ALDH9A1: variants seen among roughly 807,000 people sequenced by gnomAD.
The protein encoded by ALDH9A1 is aldehyde dehydrogenase 9 family member A1.
ALDH9A1 carries 42 observed loss-of-function variants against 56.6 expected under a neutral mutation model. That is an observed-to-expected ratio of 0.74 (90% CI 0.58 to 0.96). ALDH9A1 has a LOEUF of 0.96. Among genes scored for constraint, ALDH9A1 ranks in the 40% least tolerant of loss-of-function variants. The probability of loss-of-function intolerance (pLI) is 0.00; values close to 1 mark genes in which losing one functional copy is unlikely to be tolerated. For missense variants in ALDH9A1, 661 were observed against 651.5 expected, an observed-to-expected ratio of 1.01 and a Z score of -0.16; for synonymous variants, 242 against 236.0, an observed-to-expected ratio of 1.03 and a Z score of -0.23.
At chr1:165,697,463 A>G (rs1428464193) in intron 1 of ALDH9A1, among the ~76,000 whole-genome samples, 1 of 152,230 alleles carries the variant, frequency 6.6e-6, no homozygotes, top group Non-Finnish European at 1.5e-5. Flanking sequence ...TACAATTTTT[A>G]TTTGTTAATT....
At chr1:165,682,753 G>A in intron 3 of ALDH9A1, 1 of 477,218 alleles carries the variant, frequency 2.1e-6, no homozygotes, top group South Asian at 4.3e-5. Context: ...CATGCTAGGT[G>A]CTTTACATGC....
In ALDH9A1 at chr1:165,667,417, T is replaced by TC; in HGVS notation, c.1240dup (p.Glu414GlyfsTer14). The TC allele has an allele frequency of 6.2e-7, 1 of 1,614,108 alleles. No individual in the cohort carries two copies. Among genetic ancestry groups the TC allele is most frequent in the Non-Finnish European group, 8.5e-7 (1 of 1,179,994 alleles). On this transcript the variant is annotated frameshift_variant, in exon 9 of 11. Transcript: ENST00000354775. LOFTEE classifies it high-confidence loss of function. ...GGACATAACAGGCCCAAAGATCTCT[T>TC]CCTTCACACAGGTCATGTCGTCTCT...
intron 2 of ALDH9A1, among the ~76,000 whole-genome samples, chr1:165,692,142 C>T (rs967091059): frequency 4.6e-5 from 7 of 152,152 alleles, no homozygotes; most frequent in Admixed American, 4.6e-4. Flanking sequence ...GGAAGCATTC[C>T]CTTTGAAAAC....
chr1:165,685,184 T>C (rs781497058), intron 2 of ALDH9A1, among the ~76,000 whole-genome samples: 3 of 152,196 alleles, frequency 2.0e-5, no homozygotes, highest in Non-Finnish European at 2.9e-5. Flanking sequence ...TTCCCAACCC[T>C]GTTCCTCCTC....
intron 2 of ALDH9A1, among the ~76,000 whole-genome samples, chr1:165,692,169 T>G (rs1649913408): frequency 6.6e-6 from 1 of 152,204 alleles, no homozygotes; most frequent in Non-Finnish European, 1.5e-5. Flanking sequence ...AAGACATGAA[T>G]GCCCTCTCTC....
intron 2 of ALDH9A1, among the ~76,000 whole-genome samples, chr1:165,693,592 T>C (rs576678094): frequency 1.8e-4 from 27 of 152,266 alleles, no homozygotes; most frequent in African/African-American, 6.0e-4. Flanking sequence ...TGTGGAGAAA[T>C]AGGAACACTT....
rs573551479 is a variant in ALDH9A1 at position 165,696,664 on chromosome 1, T to C, written c.182-1267A>G. 2.2e-4 allele frequency among the ~76,000 whole-genome samples: 34 copies of C among 152,288 alleles called. No homozygotes were observed. In the South Asian group the frequency reaches 6.2e-3, roughly 28 times the overall value. On this transcript the variant is annotated intron_variant, in intron 1 of 10. Coordinates refer to ENST00000354775, the MANE Select transcript of ALDH9A1 (RefSeq NM_000696.4). ...GAAACAATCAGTTTTTCTAGGCCCA[T>C]AGCCCAAGGACTGTACTGCCTCTAC...
chr1:165,673,282 TC>T (rs1649241781), intron 6 of ALDH9A1, among the ~76,000 whole-genome samples: 1 of 152,112 alleles, frequency 6.6e-6, no homozygotes, highest in African/African-American at 2.4e-5. Context: ...ATGGTTATTA[TC>T]AAAAAGATAA....
intron 2 of ALDH9A1, among the ~76,000 whole-genome samples, chr1:165,687,668 G>C (rs986047411): frequency 6.6e-6 from 1 of 152,140 alleles, no homozygotes; most frequent in African/African-American, 2.4e-5. Context: ...GAATCTGAAA[G>C]AGTACCAACA....
Position 165,681,608 on chromosome 1 carries a change from T to C in ALDH9A1, c.592+499A>G, listed in dbSNP as rs183576174. ...TCTTCTTTCCTCAAAGATTCTTCTC[T>C]TTAAATACTGTAAGAAAACTATTTT... On this transcript the variant is annotated intron_variant, in intron 4 of 10. Coordinates refer to ENST00000354775, the MANE Select transcript of ALDH9A1 (RefSeq NM_000696.4). 4.3e-3 allele frequency among the ~76,000 whole-genome samples: 651 copies of C among 152,360 alleles called. 19 individuals carry two copies. The highest frequency in any genetic ancestry group is 0.031 in the Admixed American group (467 of 15,306).
chr1:165,676,665 GA>G, intron 6 of ALDH9A1: 1 of 392,938 alleles, frequency 2.5e-6, no homozygotes, highest in South Asian at 2.4e-5. Context: ...AAGCCAAAGA[GA>G]AAGGTACCTG....
intron 2 of ALDH9A1, among the ~76,000 whole-genome samples, chr1:165,694,443 A>AT (rs1044984591): frequency 2.0e-5 from 3 of 151,860 alleles, no homozygotes; most frequent in South Asian, 2.1e-4. Flanking sequence ...TGTTTTTACA[A>AT]TTTTTTTTAG....
chr1:165,680,798 A>C, intron 4 of ALDH9A1, 115 bp from the exon 5 acceptor site: 1 of 975,016 alleles, frequency 1.0e-6, no homozygotes, highest in Non-Finnish European at 1.5e-6. Flanking sequence ...TCCCCAACCA[A>C]ATCCTACATC....
At position 165,679,543 on chromosome 1, in the gene ALDH9A1, A is replaced by G; in HGVS notation, c.829T>C (p.Leu277=). The G allele has an allele frequency of 1.2e-6, 2 of 1,614,174 alleles. No homozygotes were observed. The highest frequency in any genetic ancestry group is 8.5e-7 in the Non-Finnish European group (1 of 1,180,036). The part of the protein sequence containing the change: ...MSAKGIKPVT[L]ELGGKSPLII... The stretch of plus-strand genomic sequence containing the variant: ...AGTGGAGATTTGCCTCCAAGTTCCA[A>G]GGTAACAGGTTTGATTCCTTTAGCT... Residue 277 remains leucine, a synonymous_variant, in exon 6 of 11, where the codon TTG becomes CTG. Coordinates refer to ENST00000354775, the MANE Select transcript of ALDH9A1 (RefSeq NM_000696.4).
At position 165,680,585 on chromosome 1, in the gene ALDH9A1, T is replaced by C. The variant is rs1448295659; in HGVS notation, c.691A>G (p.Asn231Asp). The part of the protein sequence containing the change: ...SEAGVPPGLF[N>D]VVQGGAATGQ... ...GTGGCAGCCCCTCCCTGCACCACAT[T>C]GAAGAGCCCAGGAGGTACACCAGCC... Residue 231 changes from asparagine (N) to aspartate (D), a missense_variant, in exon 5 of 11, where the codon AAT becomes GAT. Coordinates refer to ENST00000354775, the MANE Select transcript of ALDH9A1 (RefSeq NM_000696.4). 1.2e-6 allele frequency: 2 copies of C among 1,614,082 alleles called. No individual in the cohort carries two copies. Among genetic ancestry groups the C allele is most frequent in the South Asian group, 1.1e-5 (1 of 91,072 alleles).
At chr1:165,690,484 C>T (rs1649853815) in intron 2 of ALDH9A1, among the ~76,000 whole-genome samples, 1 of 152,158 alleles carries the variant, frequency 6.6e-6, no homozygotes, top group African/African-American at 2.4e-5. Flanking sequence ...CTCCGATCTG[C>T]ATCTCCCAGC....
chr1:165,662,760 C>A lies in ALDH9A1; in HGVS notation c.*290G>T. On this transcript the variant is annotated 3_prime_UTR_variant, in exon 11 of 11. Transcript: ENST00000354775. ...GCCAAATGTGTGGAAGATGTATTAT[C>A]CTAGTCTCTTTTCCTGTTCTCTAGA... The A allele has an allele frequency of 8.6e-6, 3 of 348,530 alleles. No homozygotes were observed. In the South Asian group the frequency reaches 1.1e-4, roughly 12 times the overall value. 21.6% of individuals were successfully genotyped at this position (348,530 alleles called of 1,614,324 possible). A position where few individuals can be genotyped will look rare whatever the true frequency, so the allele number is the denominator to read the frequency against.
Position 165,667,380 on chromosome 1 carries a change from A to C in ALDH9A1, c.1278T>G (p.Phe426Leu), listed in dbSNP as rs755533096. The change falls in exon 9 of 11, where the codon TTT becomes TTG. Residue 426 changes from phenylalanine (F) to leucine (L), a missense_variant. Phe to Leu is a conservative substitution (Grantham distance 22). Coordinates refer to ENST00000354775, the MANE Select transcript of ALDH9A1 (RefSeq NM_000696.4). ...IFGPVMSILS[F>L]DTEAEVLERA... ...TTTCTAGAACCTCAGCTTCAGTGTCAAATGATAAAATGGACATAACAGGCC... is the reference window on the plus strand; with the variant it reads ...TTTCTAGAACCTCAGCTTCAGTGTCCAATGATAAAATGGACATAACAGGCC... 58 of 1,614,150 alleles carry C rather than the reference A, an allele frequency of 3.6e-5. No individual in the cohort carries two copies. The South Asian group carries it at 4.4e-4, about 12-fold the overall frequency.
chr1:165,674,383 G>T (rs901048861), intron 6 of ALDH9A1, among the ~76,000 whole-genome samples: 2 of 150,004 alleles, frequency 1.3e-5, no homozygotes, highest in African/African-American at 2.4e-5. Context: ...CAGGATAGGG[G>T]CTCTTTAAAA....
Sources: gnomAD v4.1 joint callset for allele counts (sites outside exome capture counted in the v4.1 genomes callset) on GRCh38, gnomAD v4.1.1 for gene constraint, MANE v1.5 for transcripts, NCBI Gene and HGNC (gene_info 2026-07-23, HGNC 2026-07-21) for gene names.